MRTFB: variants seen among roughly 807,000 people sequenced by gnomAD.
The protein encoded by MRTFB is myocardin-related transcription factor B.
A neutral mutation model predicts 104.2 loss-of-function variants in MRTFB; 29 were observed. The observed-to-expected ratio is 0.28, with a 90% CI of 0.21 to 0.38. MRTFB has a LOEUF of 0.38. Ranked by LOEUF, MRTFB falls within the 10% of genes least tolerant of loss-of-function variation. The pLI is 1.00. For synonymous variants in MRTFB, 535 were observed against 519.5 expected (o/e 1.03, Z -0.41); for missense variants, 1,270 against 1,341.6 (o/e 0.95, Z 0.83).
intron 3 of MRTFB, among the ~76,000 whole-genome samples, chr16:14,174,159 C>G (rs1337314613): frequency 6.6e-6 from 1 of 152,120 alleles, no homozygotes; most frequent in Admixed American, 6.5e-5. Flanking sequence ...CAACATGTAT[C>G]AATAAGATCT....
chr16:14,172,344 C>T (rs2039450089), intron 3 of MRTFB, among the ~76,000 whole-genome samples: 2 of 152,186 alleles, frequency 1.3e-5, no homozygotes, highest in Non-Finnish European at 2.9e-5. Context: ...AAAAACACTT[C>T]ATACCAGTTT....
At chr16:14,108,983 T>C (rs932785414) in intron 2 of MRTFB, among the ~76,000 whole-genome samples, 3 of 152,246 alleles carry the variant, frequency 2.0e-5, no homozygotes, top group African/African-American at 2.4e-5. Flanking sequence ...TTTTAAACTT[T>C]GTACCCATTT....
At chr16:14,260,026 C>T (rs900008353) in intron 16 of MRTFB, among the ~76,000 whole-genome samples, 1 of 152,148 alleles carries the variant, frequency 6.6e-6, no homozygotes, top group Non-Finnish European at 1.5e-5. Context: ...ATCATAGCCT[C>T]ATAAAACTTA....
At chr16:14,017,685 G>GTATA in the MRTFB span, among the ~76,000 whole-genome samples, 1 of 9,584 alleles carries the variant, frequency 1.0e-4, no homozygotes, top group African/African-American at 1.7e-4. Flanking sequence ...GTGTGTGTGT[G>GTATA]TGTATATATA....
chr16:14,054,138 G>T, the MRTFB span, among the ~76,000 whole-genome samples: 1 of 152,090 alleles, frequency 6.6e-6, no homozygotes, highest in Non-Finnish European at 1.5e-5. Flanking sequence ...GGCTTTGCGC[G>T]TGCTGTTCCC....
At chr16:14,239,127 C>T (rs1435530881) in intron 9 of MRTFB, among the ~76,000 whole-genome samples, 1 of 152,190 alleles carries the variant, frequency 6.6e-6, no homozygotes, top group African/African-American at 2.4e-5. Context: ...CCATAAAAAT[C>T]TTGTTGCAGA....
At chr16:14,180,006 C>G (rs2039715632) in intron 3 of MRTFB, among the ~76,000 whole-genome samples, 1 of 152,200 alleles carries the variant, frequency 6.6e-6, no homozygotes, top group South Asian at 2.1e-4. Flanking sequence ...ACTAGCAGTG[C>G]ATGGTGGGAC....
chr16:14,162,336 T>C (rs961710751), intron 3 of MRTFB, among the ~76,000 whole-genome samples: 1 of 150,664 alleles, frequency 6.6e-6, no homozygotes, highest in Admixed American at 6.6e-5. Flanking sequence ...TGTTTCCCCC[T>C]CTCTTTCCCC....
At chr16:14,147,618 A>G (rs1385073422) in intron 3 of MRTFB, among the ~76,000 whole-genome samples, 1 of 152,114 alleles carries the variant, frequency 6.6e-6, no homozygotes, top group Non-Finnish European at 1.5e-5. Flanking sequence ...GCTGTGTGTG[A>G]CTTTACCTTC....
At chr16:14,200,288 G>A in intron 3 of MRTFB, 1 of 1,584,462 alleles carries the variant, frequency 6.3e-7, no homozygotes. Flanking sequence ...TAGATTCTGA[G>A]TTCCGACCCG....
the MRTFB span, among the ~76,000 whole-genome samples, chr16:14,012,462 C>G: frequency 6.6e-6 from 1 of 151,766 alleles, no homozygotes. Flanking sequence ...CCACGCCTGG[C>G]TAATTTTTTG....
intron 15 of MRTFB, 116 bp from the exon 16 acceptor site, chr16:14,257,985 A>G (rs1015473365): frequency 3.3e-6 from 3 of 900,696 alleles, no homozygotes; most frequent in Admixed American, 4.8e-5. Context: ...AGTGTTTTCA[A>G]AATTATCACG....
the MRTFB span, chr16:14,018,759 A>C: frequency 1.3e-5 from 2 of 152,222 alleles, no homozygotes; most frequent in Non-Finnish European, 2.9e-5. Flanking sequence ...CCTTAAGGCC[A>C]ATAAATCATT....
chr16:14,113,228 G>C (rs893945086), intron 2 of MRTFB, among the ~76,000 whole-genome samples: 1 of 152,162 alleles, frequency 6.6e-6, no homozygotes, highest in African/African-American at 2.4e-5. Context: ...ATTTTTAGTA[G>C]AGATGGGGTT....
intron 2 of MRTFB, among the ~76,000 whole-genome samples, chr16:14,098,997 A>T (rs2035547263): frequency 6.6e-6 from 1 of 152,190 alleles, no homozygotes; most frequent in South Asian, 2.1e-4. Context: ...TGAGTCTTGA[A>T]ATCTAGTAGT....
At chr16:14,003,441 C>T in the MRTFB span, among the ~76,000 whole-genome samples, 2 of 152,204 alleles carry the variant, frequency 1.3e-5, no homozygotes, top group African/African-American at 4.8e-5. Flanking sequence ...TCTTCCCTGC[C>T]GTGGTTTGGA....
chr16:14,234,447 A>G (rs772908876), intron 9 of MRTFB, among the ~76,000 whole-genome samples, 164 bp downstream of exon 9: 6 of 152,192 alleles, frequency 3.9e-5, no homozygotes, highest in Non-Finnish European at 8.8e-5. Flanking sequence ...TGGGGTCTTC[A>G]TGTTTGAAAT....
intron 3 of MRTFB, among the ~76,000 whole-genome samples, chr16:14,158,871 C>T (rs2038924785): frequency 6.6e-6 from 1 of 151,936 alleles, no homozygotes; most frequent in South Asian, 2.1e-4. Context: ...GAGGCTGACG[C>T]CTGTAATCGC....
Position 14,261,124 on chromosome 16 carries a change from A to G in MRTFB, c.2980A>G (p.Asn994Asp), listed in dbSNP as rs1470441702. 2 of 1,614,208 alleles carry G rather than the reference A, an allele frequency of 1.2e-6. No homozygotes were observed. Among genetic ancestry groups the G allele is most frequent in the African/African-American group, 1.3e-5 (1 of 75,052 alleles). ...CTTGGATGGAACTTTACCCTCAGCC[A>G]ATGAAATTCCTCCACTACAAAGCAG... ...AFLDGTLPSANEIPPLQSSSE... is the reference protein window; with the variant it reads ...AFLDGTLPSADEIPPLQSSSE... Residue 994 changes from asparagine (N) to aspartate (D), a missense_variant, in exon 17 of 17, where the codon AAT (asparagine) becomes GAT (aspartate). This residue lies in a region of MRTFB where 1,144 missense variants were observed against 1,131.5 expected (regional missense o/e 1.01). Coordinates refer to ENST00000571589, the MANE Select transcript of MRTFB (RefSeq NM_001308142.2).
Sources: allele counts gnomAD v4.1 joint callset (sites outside exome capture counted in the v4.1 genomes callset), GRCh38; gene constraint gnomAD v4.1.1; regional missense constraint gnomAD v4.1.1; transcripts MANE v1.5; gene names NCBI Gene and HGNC (gene_info 2026-07-23, HGNC 2026-07-21).